The following TTPA variants were observed in gnomAD, a reference collection of about 807,000 sequenced individuals.
TTPA encodes alpha tocopherol transfer protein.
A neutral mutation model predicts 25.9 loss-of-function variants in TTPA; 23 were observed. The observed-to-expected ratio is 0.89, with a 90% CI of 0.64 to 1.26. The LOEUF (loss-of-function observed/expected upper bound fraction) is 1.26. Ranked by LOEUF, TTPA falls within the 50% of genes most tolerant of loss-of-function variation. The pLI is 0.00. For synonymous variants in TTPA, 148 were observed against 137.3 expected, an observed-to-expected ratio of 1.08 and a Z score of -0.54; for missense variants, 337 against 353.1, an observed-to-expected ratio of 0.95 and a Z score of 0.37.
At chr8:63,064,156 G>T (rs1328211993) in intron 4 of TTPA, 50 bp downstream of exon 4, 2 of 1,320,026 alleles carry the variant, frequency 1.5e-6, no homozygotes, top group South Asian at 1.2e-5. Flanking sequence ...ATTAAAAAGG[G>T]TTGGAATGTT....
Position 63,066,096 on chromosome 8 carries a change from T to G in TTPA, c.360A>C (p.Ala120=). ...CTGTAAAAACTTTGGGGTCCCAGTG[T>G]GCTAAAAAAAATAAAGCATATCATA... ...TGSKVLIYRI[A]HWDPKVFTAY... is the part of the protein sequence containing the mutation. The change falls in exon 3 of 5, where the codon GCA becomes GCC. Residue 120 remains alanine, a splice_region_variant and synonymous_variant. Coordinates refer to ENST00000260116, the MANE Select transcript of TTPA (RefSeq NM_000370.3). The G allele has an allele frequency of 6.8e-7, 1 of 1,461,790 alleles. No homozygotes were observed. The highest frequency in any genetic ancestry group is 9.0e-7 in the Non-Finnish European group (1 of 1,111,964). 90.6% of individuals were successfully genotyped at this position (1,461,790 alleles called of 1,614,324 possible).
chr8:63,069,766 T>G (rs891534657), intron 2 of TTPA, among the ~76,000 whole-genome samples: 1 of 151,930 alleles, frequency 6.6e-6, no homozygotes, highest in Non-Finnish European at 1.5e-5. Context: ...GTTTCTTAGT[T>G]GCAGTAGTCA....
At chr8:63,063,091 C>T (rs74443163) in intron 4 of TTPA, among the ~76,000 whole-genome samples, 12,137 of 152,166 alleles carry the variant, frequency 0.08, 929 homozygotes, top group East Asian at 0.42. Context: ...GAAAGAACAT[C>T]GTTTCTAAAA....
chr8:63,082,291 GATATATAGACC>G (rs1805675755), intron 1 of TTPA, among the ~76,000 whole-genome samples: 1 of 152,102 alleles, frequency 6.6e-6, no homozygotes, highest in Admixed American at 6.5e-5. Context: ...TACCAAAAGA[GATATATAGACC>G]AATGGAACAG....
chr8:63,062,585 T>C lies in TTPA; in HGVS notation c.664-1160A>G, dbSNP rs894075213. Among the ~76,000 whole-genome samples the C allele has an allele frequency of 2.0e-4, 31 of 152,042 alleles. 1 individual carries two copies. The highest frequency in any genetic ancestry group is 4.0e-4 in the Non-Finnish European group (27 of 67,996). On this transcript the variant is annotated intron_variant, in intron 4 of 4. Coordinates refer to ENST00000260116, the MANE Select transcript of TTPA (RefSeq NM_000370.3). The stretch of plus-strand genomic sequence containing the variant: ...TCTATCTCCTCAGGAAGGGGCAAAA[T>C]AAGAAAATGTATGGGGCATTGCCAA...
At chr8:63,085,500 T>C (rs1455138355) in intron 1 of TTPA, among the ~76,000 whole-genome samples, 1 of 152,148 alleles carries the variant, frequency 6.6e-6, no homozygotes, top group Admixed American at 6.5e-5. Context: ...GGAAGGCATG[T>C]CCCCCAAACT....
At chr8:63,063,421 T>G (rs1185072743) in intron 4 of TTPA, among the ~76,000 whole-genome samples, 1 of 152,198 alleles carries the variant, frequency 6.6e-6, no homozygotes, top group Non-Finnish European at 1.5e-5. Flanking sequence ...CATTAAGTCA[T>G]ATACCTCAGT....
chr8:63,084,707 T>A (rs947585397), intron 1 of TTPA, among the ~76,000 whole-genome samples: 1 of 152,150 alleles, frequency 6.6e-6, no homozygotes, highest in Non-Finnish European at 1.5e-5. Context: ...AGGTTTGAGG[T>A]AGGGAGCTTT....
intron 2 of TTPA, 55 bp downstream of exon 2, chr8:63,072,880 G>T: frequency 1.3e-6 from 2 of 1,591,572 alleles, no homozygotes; most frequent in South Asian, 2.2e-5. Flanking sequence ...AGAGGGGAGG[G>T]AACACAACTG....
intron 1 of TTPA, among the ~76,000 whole-genome samples, chr8:63,079,571 G>A (rs879421263): frequency 2.6e-5 from 4 of 152,060 alleles, no homozygotes; most frequent in Admixed American, 1.3e-4. Context: ...GATCAAAAGA[G>A]ACAAAGAAGG....
Position 63,059,921 on chromosome 8 carries a change from C to G in TTPA, c.*1331G>C, listed in dbSNP as rs866321408. On this transcript the variant is annotated 3_prime_UTR_variant, in exon 5 of 5. Transcript: ENST00000260116. ...TGCCCAGGCTGGTCTAGAACTCCTG[C>G]GCTCAAGCAATCATCCATCCAGCCT... 5.9e-5 allele frequency: 9 copies of G among 152,184 alleles called. No homozygotes were observed. Among genetic ancestry groups the G allele is most frequent in the Non-Finnish European group, 1.2e-4 (8 of 68,004 alleles). The allele number at this position is 152,184 out of a possible 1,614,324, so 9.4% of individuals were successfully genotyped here. A position where few individuals can be genotyped will look rare whatever the true frequency, so the allele number is the denominator to read the frequency against.
Position 63,061,293 on chromosome 8 carries a change from A to G in TTPA, c.796T>C (p.Ser266Pro). ...CQEWTNFIMK[S>P]EDYLSSISES... ...GAAATGCTGCTGAGATAATCTTCAG[A>G]CTTCATTATAAAATTTGTCCATTCC... The change falls in exon 5 of 5, where the codon TCT becomes CCT. Residue 266 changes from serine to proline, a missense_variant. Ser to Pro is a moderately conservative substitution (Grantham distance 74, BLOSUM62 -1). Transcript: ENST00000260116. 1 of 1,613,874 alleles carries G rather than the reference A, an allele frequency of 6.2e-7. No homozygotes were observed. Among genetic ancestry groups the G allele is most frequent in the Non-Finnish European group, 8.5e-7 (1 of 1,179,934 alleles).
In TTPA at chr8:63,073,106, A is replaced by C. The variant is rs375919660; in HGVS notation, c.205-18T>G. ...TTTAGTAACTGAAAAATAAAATTAA[A>C]ATTGTCTACAAATGGCATACATGGT... On this transcript the variant is annotated intron_variant, in intron 1 of 4. Transcript: ENST00000260116. 189 of 1,584,412 alleles carry C rather than the reference A, an allele frequency of 1.2e-4. No homozygotes were observed. In the African/African-American group the frequency reaches 2.4e-3, roughly 20 times the overall value.
chr8:63,084,524 C>T (rs1338037943), intron 1 of TTPA, among the ~76,000 whole-genome samples: 1 of 152,080 alleles, frequency 6.6e-6, no homozygotes, highest in Non-Finnish European at 1.5e-5. Context: ...TAACAGCAGC[C>T]CAATAAAGAG....
At position 63,062,662 on chromosome 8, in the gene TTPA, T is replaced by C. The variant is rs182630146; in HGVS notation, c.664-1237A>G. 4.5e-4 allele frequency among the ~76,000 whole-genome samples: 68 copies of C among 152,360 alleles called. 1 individual carries two copies. The East Asian group carries it at 9.3e-3, about 21-fold the overall frequency. ...GATCAGAGTTTTTTTCTCCCTATTT[T>C]GGCAAGTCTGTTTCCCGTCAACTAA... On this transcript the variant is annotated intron_variant, in intron 4 of 4. Coordinates refer to ENST00000260116, the MANE Select transcript of TTPA (RefSeq NM_000370.3).
chr8:63,078,821 C>T (rs562518804), intron 1 of TTPA, among the ~76,000 whole-genome samples: 3 of 152,242 alleles, frequency 2.0e-5, no homozygotes, highest in African/African-American at 7.2e-5. Context: ...CAATCAAATT[C>T]AGGAAATACA....
intron 1 of TTPA, among the ~76,000 whole-genome samples, chr8:63,077,020 A>G (rs1194347698): frequency 6.6e-6 from 1 of 152,196 alleles, no homozygotes; most frequent in Non-Finnish European, 1.5e-5. Flanking sequence ...GCAATCAAAG[A>G]CTAATAAAAT....
intron 2 of TTPA, among the ~76,000 whole-genome samples, chr8:63,071,987 A>T (rs577319354): frequency 1.3e-5 from 2 of 152,350 alleles, no homozygotes; most frequent in Admixed American, 6.5e-5. Context: ...AGGGGATGCA[A>T]TGAGAATAAA....
intron 2 of TTPA, among the ~76,000 whole-genome samples, chr8:63,066,421 G>T (rs954635506): frequency 3.3e-5 from 5 of 152,180 alleles, no homozygotes; most frequent in African/African-American, 1.2e-4. Flanking sequence ...AGAGATGTTG[G>T]AAATGGAAAA....
Sources: allele counts gnomAD v4.1 joint callset (sites outside exome capture counted in the v4.1 genomes callset), GRCh38; gene constraint gnomAD v4.1.1; transcripts MANE v1.5; gene names NCBI Gene and HGNC (gene_info 2026-07-23, HGNC 2026-07-21).